Variants in PPEF2 observed in about 807,000 individuals in gnomAD.
PPEF2 encodes the protein serine/threonine-protein phosphatase with EF-hands 2.
Under a neutral mutation model 84.7 loss-of-function variants are expected in PPEF2, and 84 were observed. The observed-to-expected ratio is 0.99, with a 90% confidence interval of 0.83 to 1.19. The LOEUF (loss-of-function observed/expected upper bound fraction) is 1.19. Among genes scored for constraint, PPEF2 ranks in the 50% most tolerant of loss-of-function variants. PPEF2 has a pLI of 0.00. For synonymous variants in PPEF2, 346 were observed against 345.2 expected (o/e 1.00, Z -0.03); for missense variants, 924 against 937.5 (o/e 0.99, Z 0.19).
chr4:75,868,521 A>G (rs1171675303), intron 13 of PPEF2, among the ~76,000 whole-genome samples: 1 of 152,028 alleles, frequency 6.6e-6, no homozygotes, highest in Non-Finnish European at 1.5e-5. Flanking sequence ...TAAGTGGGCT[A>G]CATAGATCCT....
intron 5 of PPEF2, chr4:75,889,156 G>C (rs993313603): frequency 6.6e-6 from 1 of 152,364 alleles, no homozygotes; most frequent in Non-Finnish European, 1.5e-5. Flanking sequence ...ATGTTGCAGT[G>C]AGCCGAGATC....
chr4:75,861,423 A>G (rs1723996274), intron 16 of PPEF2, among the ~76,000 whole-genome samples: 1 of 122,578 alleles, frequency 8.2e-6, no homozygotes, highest in Non-Finnish European at 1.8e-5. Flanking sequence ...GGGAAAGAAT[A>G]GTTTTTTTCA....
At chr4:75,892,000 A>G in intron 2 of PPEF2, 22 bp from the exon 3 acceptor site, 1 of 1,607,686 alleles carries the variant, frequency 6.2e-7, no homozygotes, top group Non-Finnish European at 8.5e-7. Flanking sequence ...ATGGAGAAGC[A>G]AGCCTGTGAG....
chr4:75,873,451 A>C lies in PPEF2; in HGVS notation c.1321-139T>G. 4 of 833,586 alleles carry C rather than the reference A, an allele frequency of 4.8e-6. No individual in the cohort carries two copies. The South Asian group carries it at 5.8e-5, about 12-fold the overall frequency. The allele number at this position is 833,586 out of a possible 1,614,324, so 51.6% of individuals were successfully genotyped here. A position where few individuals can be genotyped will look rare whatever the true frequency, so the allele number is the denominator to read the frequency against. On this transcript the variant is annotated intron_variant, in intron 11 of 16. Transcript: ENST00000286719. ...AATGTCCATGCAAGCAATATTTGAC[A>C]TACATTTATATTTTGGACCTCTAAG...
At chr4:75,863,499 C>A (rs1724055910) in intron 16 of PPEF2, among the ~76,000 whole-genome samples, 5 of 113,776 alleles carry the variant, frequency 4.4e-5, no homozygotes, top group African/African-American at 1.6e-4. Context: ...GACTCCGTCT[C>A]AAAAAAAAAA....
At position 75,868,039 on chromosome 4, in the gene PPEF2, G is replaced by C. The variant is rs566045277; in HGVS notation, c.1650-620C>G. ...AGAATATAAAAAGAGGCTTGGCGTG[G>C]TGGCTCATGCCTGTAATCCCAGCAC... On this transcript the variant is annotated intron_variant, in intron 13 of 16. Coordinates refer to ENST00000286719, the MANE Select transcript of PPEF2 (RefSeq NM_006239.3). Among the ~76,000 whole-genome samples, 6 of 152,186 alleles carry C rather than the reference G, an allele frequency of 3.9e-5. No homozygotes were observed. In the South Asian group the frequency reaches 1.2e-3, roughly 32 times the overall value.
chr4:75,867,144 A>G (rs1724149878), intron 14 of PPEF2, among the ~76,000 whole-genome samples, 169 bp downstream of exon 14: 1 of 152,196 alleles, frequency 6.6e-6, no homozygotes, highest in East Asian at 1.9e-4. Flanking sequence ...CAATTTTAAA[A>G]TTTAGTTAGA....
chr4:75,890,967 G>C (rs1030839951), intron 4 of PPEF2, among the ~76,000 whole-genome samples: 2 of 152,176 alleles, frequency 1.3e-5, no homozygotes, highest in Non-Finnish European at 2.9e-5. Flanking sequence ...TGGATCGCTT[G>C]AGGCCAGGAG....
intron 6 of PPEF2, among the ~76,000 whole-genome samples, chr4:75,887,577 C>A (rs1248513245): frequency 6.7e-6 from 1 of 149,220 alleles, no homozygotes; most frequent in African/African-American, 2.5e-5. Flanking sequence ...GCCGAGATTG[C>A]ACCACTGCCC....
chr4:75,876,569 C>T lies in PPEF2; in HGVS notation c.1038G>A (p.Trp346Ter), dbSNP rs778941080. The change falls in exon 11 of 17, where the codon TGG becomes TGA. Residue 346 changes from tryptophan to a stop codon, truncating the protein, a stop_gained. Transcript: ENST00000286719. LOFTEE classifies it high-confidence loss of function. ...GAAGAGAGCGGCTTTCGGGGAGAAA[C>T]CATGGGATGGGTCCCTGTGCAGAGC... ...QKSSAQGPIPWFLPESRSLPS... is the reference protein window; with the variant it reads ...QKSSAQGPIP 2 of 1,614,038 alleles carry T rather than the reference C, an allele frequency of 1.2e-6. No individual in the cohort carries two copies. Among genetic ancestry groups the T allele is most frequent in the East Asian group, 4.5e-5 (2 of 44,870 alleles).
intron 11 of PPEF2, among the ~76,000 whole-genome samples, chr4:75,875,438 A>C (rs916557719): frequency 3.3e-5 from 5 of 151,860 alleles, no homozygotes; most frequent in African/African-American, 9.7e-5. Flanking sequence ...GTGAAATGCT[A>C]TCTCTTCAAA....
chr4:75,899,958 A>G (rs1202965238), intron 1 of PPEF2, among the ~76,000 whole-genome samples: 1 of 152,162 alleles, frequency 6.6e-6, no homozygotes, highest in Non-Finnish European at 1.5e-5. Context: ...TTCTCACTCA[A>G]TTTTGGGCAC....
Position 75,866,363 on chromosome 4 carries a change from G to A in PPEF2, c.1757-11C>T, listed in dbSNP as rs1724131791. ...TCAAGGTGATTAAACCTACAGGTGAGAGCTAACCTGTTGCCTTGTCACCTA... is the reference window on the plus strand; with the variant it reads ...TCAAGGTGATTAAACCTACAGGTGAAAGCTAACCTGTTGCCTTGTCACCTA... On this transcript the variant is annotated splice_polypyrimidine_tract_variant and intron_variant, in intron 14 of 16. Coordinates refer to ENST00000286719, the MANE Select transcript of PPEF2 (RefSeq NM_006239.3). 6.2e-7 allele frequency: 1 copy of A among 1,610,692 alleles called. No homozygotes were observed. The highest frequency in any genetic ancestry group is 1.7e-5 in the Admixed American group (1 of 59,578).
Position 75,876,620 on chromosome 4 carries a change from C to T in PPEF2, c.987G>A (p.Glu329=). 1 of 1,596,712 alleles carries T rather than the reference C, an allele frequency of 6.3e-7. No individual in the cohort carries two copies. Among genetic ancestry groups the T allele is most frequent in the African/African-American group, 1.3e-5 (1 of 74,190 alleles). ...TCTTCTGGTTGGCTCTTCTCTTCTC[C>T]TCCATCTGCTTCTCACTCTTCTGTC... ...KTRQKSEKQM[E]EKRRANQKSS... is the part of the protein sequence containing the mutation. The change falls in exon 11 of 17, where the codon GAG becomes GAA. Residue 329 remains glutamate (E), a synonymous_variant. Coordinates refer to ENST00000286719, the MANE Select transcript of PPEF2 (RefSeq NM_006239.3).
intron 4 of PPEF2, 97 bp downstream of exon 4, chr4:75,891,551 C>G: frequency 7.3e-7 from 1 of 1,375,348 alleles, no homozygotes; most frequent in Non-Finnish European, 9.9e-7. Context: ...CTGGCTGTCA[C>G]CAGATTCACG....
intron 10 of PPEF2, among the ~76,000 whole-genome samples, chr4:75,877,337 CA>C (rs1267097190): frequency 6.4e-5 from 7 of 109,206 alleles, no homozygotes; most frequent in East Asian, 2.6e-4. Context: ...AACTCCATCT[CA>C]AAAAAAAAAT....
chr4:75,891,731 G>T, intron 3 of PPEF2, 26 bp from the exon 4 acceptor site: 1 of 1,604,438 alleles, frequency 6.2e-7, no homozygotes, highest in Non-Finnish European at 8.5e-7. Context: ...AGGAGACGTG[G>T]CTTTAGAGGT....
rs1560477487 is a variant in PPEF2, at chr4:75,860,630, CT to C, written c.*36del. ...AGTCTAGTGAGAAGCTGAGCATTGC[CT>C]ATGAGGCACTTTGGGTGATGAAGAC... On this transcript the variant is annotated 3_prime_UTR_variant, in exon 17 of 17. Coordinates refer to ENST00000286719, the MANE Select transcript of PPEF2 (RefSeq NM_006239.3). The C allele has an allele frequency of 6.2e-7, 1 of 1,609,760 alleles. No individual in the cohort carries two copies.
At chr4:75,886,486 G>A (rs1470042336) in intron 7 of PPEF2, among the ~76,000 whole-genome samples, 1 of 152,176 alleles carries the variant, frequency 6.6e-6, no homozygotes, top group African/African-American at 2.4e-5. Context: ...ATTTCGCACT[G>A]AGCAGAGCAG....
Sources: gnomAD v4.1 joint callset for allele counts (sites outside exome capture counted in the v4.1 genomes callset) on GRCh38, gnomAD v4.1.1 for gene constraint, MANE v1.5 for transcripts, NCBI Gene and HGNC (gene_info 2026-07-23, HGNC 2026-07-21) for gene names.